The following SPOCK3 variants were observed in gnomAD, a reference collection of about 807,000 sequenced individuals.
SPOCK3 encodes SPARC (osteonectin), cwcv and kazal like domains proteoglycan 3.
A neutral mutation model predicts 56.6 loss-of-function variants in SPOCK3; 30 were observed. That is an observed-to-expected ratio of 0.53 (90% CI 0.40 to 0.72). SPOCK3 has a LOEUF of 0.72. Among genes scored for constraint, SPOCK3 ranks in the 30% least tolerant of loss-of-function variants. The pLI is 0.00. For synonymous variants in SPOCK3, 196 were observed against 183.3 expected, an observed-to-expected ratio of 1.07 and a Z score of -0.56; for missense variants, 527 against 530.0, an observed-to-expected ratio of 0.99 and a Z score of 0.06.
In SPOCK3 at chr4:166,978,317, G is replaced by A. The variant is rs115280466; in HGVS notation, c.350+22032C>T. Among the ~76,000 whole-genome samples, 259 of 152,216 alleles carry A rather than the reference G, an allele frequency of 1.7e-3. 1 individual carries two copies. The highest frequency in any genetic ancestry group is 5.9e-3 in the African/African-American group (244 of 41,528). On this transcript the variant is annotated intron_variant, in intron 4 of 10. Transcript: ENST00000357545. ...CTGGGAAATGGCAAGCAGAGATTGA[G>A]TACAAGTAGGGAAAAAGGATAATGA...
intron 6 of SPOCK3, among the ~76,000 whole-genome samples, chr4:166,840,317 A>G (rs1747104036): frequency 1.3e-5 from 2 of 152,234 alleles, no homozygotes; most frequent in Admixed American, 6.5e-5. Flanking sequence ...TGCTGAAAGT[A>G]CAGGTTCCCC....
chr4:167,172,931 T>C (rs1730637159), intron 2 of SPOCK3, among the ~76,000 whole-genome samples: 1 of 152,190 alleles, frequency 6.6e-6, no homozygotes, highest in African/African-American at 2.4e-5. Flanking sequence ...TTTAAAATCT[T>C]AGAAAATTGA....
chr4:166,921,421 C>T (rs775629449), intron 4 of SPOCK3, among the ~76,000 whole-genome samples: 5 of 151,374 alleles, frequency 3.3e-5, no homozygotes, highest in Non-Finnish European at 5.9e-5. Flanking sequence ...CGGGTTCAAG[C>T]AATTCTCTTG....
intron 4 of SPOCK3, among the ~76,000 whole-genome samples, chr4:166,965,307 T>C (rs1579827322): frequency 6.6e-6 from 1 of 151,946 alleles, no homozygotes; most frequent in Non-Finnish European, 1.5e-5. Context: ...TTTCTCTCTC[T>C]CTTTCTTTCC....
At chr4:166,829,040 A>C (rs1579343309) in intron 6 of SPOCK3, among the ~76,000 whole-genome samples, 2 of 152,182 alleles carry the variant, frequency 1.3e-5, no homozygotes, top group East Asian at 3.9e-4. Flanking sequence ...AATTTAAATG[A>C]TATACATAAC....
intron 3 of SPOCK3, among the ~76,000 whole-genome samples, chr4:167,012,911 G>C (rs906040554): frequency 1.3e-5 from 2 of 151,902 alleles, no homozygotes; most frequent in Non-Finnish European, 2.9e-5. Flanking sequence ...ATAATGAAAG[G>C]CTTTGCAACT....
At chr4:166,789,699 A>G (rs899843118) in intron 7 of SPOCK3, among the ~76,000 whole-genome samples, 4 of 152,184 alleles carry the variant, frequency 2.6e-5, no homozygotes, top group African/African-American at 9.7e-5. Flanking sequence ...TTCACTACTA[A>G]TAAATAAAAT....
intron 2 of SPOCK3, among the ~76,000 whole-genome samples, chr4:167,223,548 A>ACT (rs1736282167): frequency 1.3e-5 from 2 of 151,930 alleles, no homozygotes; most frequent in Admixed American, 6.6e-5. Flanking sequence ...CTACTACTGG[A>ACT]GAGAGCCCTG....
chr4:167,168,294 G>A (rs1730184116), intron 2 of SPOCK3, among the ~76,000 whole-genome samples: 1 of 152,132 alleles, frequency 6.6e-6, no homozygotes, highest in Non-Finnish European at 1.5e-5. Flanking sequence ...AGTTGGAACT[G>A]TTTGGAGGGC....
At chr4:166,907,604 G>A (rs10018856) in intron 5 of SPOCK3, among the ~76,000 whole-genome samples, 12,180 of 152,106 alleles carry the variant, frequency 0.08, 554 homozygotes, top group Non-Finnish European at 0.1. Flanking sequence ...TAAGGATAGC[G>A]AGTGTTGGAA....
At chr4:166,845,311 A>T (rs1307247416) in intron 6 of SPOCK3, among the ~76,000 whole-genome samples, 1 of 152,224 alleles carries the variant, frequency 6.6e-6, no homozygotes, top group Non-Finnish European at 1.5e-5. Flanking sequence ...TTTCATTTTA[A>T]TACATGTTTA....
intron 6 of SPOCK3, among the ~76,000 whole-genome samples, chr4:166,854,625 A>AAAT (rs1289920085): frequency 1.3e-5 from 2 of 152,192 alleles, no homozygotes; most frequent in Non-Finnish European, 2.9e-5. Context: ...AATTACTGAA[A>AAAT]AATATGTTAT....
chr4:166,947,844 A>G (rs1346890496), intron 4 of SPOCK3, among the ~76,000 whole-genome samples: 2 of 152,168 alleles, frequency 1.3e-5, no homozygotes, highest in Non-Finnish European at 2.9e-5. Flanking sequence ...AGCTCCTCAC[A>G]TATTTATTGG....
At chr4:167,101,258 A>C (rs1759615646) in intron 2 of SPOCK3, among the ~76,000 whole-genome samples, 2 of 152,116 alleles carry the variant, frequency 1.3e-5, no homozygotes, top group East Asian at 3.9e-4. Context: ...CCACTTCCCC[A>C]AAATTTTATG....
intron 8 of SPOCK3, among the ~76,000 whole-genome samples, chr4:166,742,467 T>G (rs1025991653): frequency 5.9e-5 from 9 of 152,152 alleles, no homozygotes; most frequent in African/African-American, 1.9e-4. Flanking sequence ...ATTCAACTAA[T>G]TGACTGCTGC....
intron 4 of SPOCK3, among the ~76,000 whole-genome samples, chr4:166,960,980 T>A (rs186871921): frequency 6.6e-6 from 1 of 152,334 alleles, no homozygotes; most frequent in African/African-American, 2.4e-5. Context: ...TGACCATTAC[T>A]GTTTCTAAGG....
At chr4:167,050,294 T>C (rs1371729660) in intron 3 of SPOCK3, among the ~76,000 whole-genome samples, 1 of 152,172 alleles carries the variant, frequency 6.6e-6, no homozygotes, top group Non-Finnish European at 1.5e-5. Flanking sequence ...TGATAAGCCA[T>C]TGCTAGTACC....
At chr4:167,029,633 AAG>A (rs1162456369) in intron 3 of SPOCK3, among the ~76,000 whole-genome samples, 1 of 152,078 alleles carries the variant, frequency 6.6e-6, no homozygotes, top group East Asian at 1.9e-4. Flanking sequence ...TGTTAGTAGT[AAG>A]ATACATGCTG....
chr4:167,030,522 G>C (rs887063225), intron 3 of SPOCK3, among the ~76,000 whole-genome samples: 3 of 152,058 alleles, frequency 2.0e-5, no homozygotes, highest in Non-Finnish European at 4.4e-5. Context: ...TTAAAGGCAA[G>C]AAAATGACAT....
Sources: allele counts gnomAD v4.1 joint callset (sites outside exome capture counted in the v4.1 genomes callset), GRCh38; gene constraint gnomAD v4.1.1; transcripts MANE v1.5; gene names NCBI Gene and HGNC (gene_info 2026-07-23, HGNC 2026-07-21).